The following LY96 variants were observed in gnomAD, a reference collection of about 807,000 sequenced individuals.
The protein encoded by LY96 is myeloid differentiation protein-2.
LY96 carries 18 observed loss-of-function variants against 18.9 expected under a neutral mutation model. The ratio of observed to expected loss-of-function variants is 0.95; its 90% CI spans 0.66 to 1.41. The LOEUF is 1.41. Ranked by LOEUF, LY96 falls within the 40% of genes most tolerant of loss-of-function variation. LY96 has a pLI of 0.00. For synonymous variants in LY96, 66 were observed against 62.6 expected (o/e 1.06, Z -0.26); for missense variants, 175 against 182.4 (o/e 0.96, Z 0.23).
intron 1 of LY96, among the ~76,000 whole-genome samples, chr8:73,997,150 T>A (rs1188819453): frequency 6.6e-6 from 1 of 152,236 alleles, no homozygotes; most frequent in Non-Finnish European, 1.5e-5. Flanking sequence ...AGCCACCGTG[T>A]CCGGCCTTAA....
the LY96 span, among the ~76,000 whole-genome samples, chr8:74,081,141 C>T: frequency 2.1e-5 from 3 of 142,630 alleles, no homozygotes; most frequent in South Asian, 4.5e-4. Context: ...TTCCTTCCTT[C>T]CTTCTTTCTT....
At chr8:74,007,619 A>G (rs2131265763) in intron 2 of LY96, among the ~76,000 whole-genome samples, 1 of 152,318 alleles carries the variant, frequency 6.6e-6, no homozygotes, top group East Asian at 1.9e-4. Context: ...TAGCCTTGCT[A>G]GTAAATTATT....
the LY96 span, among the ~76,000 whole-genome samples, chr8:74,045,438 C>T: frequency 6.6e-6 from 1 of 152,284 alleles, no homozygotes; most frequent in African/African-American, 2.4e-5. Context: ...GGTTCTAGGT[C>T]TACTGTTTAA....
At chr8:74,070,371 G>A in the LY96 span, among the ~76,000 whole-genome samples, 1 of 151,866 alleles carries the variant, frequency 6.6e-6, no homozygotes, top group Non-Finnish European at 1.5e-5. Context: ...GATTACAGGC[G>A]TGAGCCACCG....
chr8:74,039,604 GTGAT>G, the LY96 span, among the ~76,000 whole-genome samples: 2 of 152,154 alleles, frequency 1.3e-5, no homozygotes, highest in Non-Finnish European at 2.9e-5. Flanking sequence ...GATCTTCTAA[GTGAT>G]TGATAAGGTG....
chr8:74,019,632 G>T (rs1816718288), intron 3 of LY96, among the ~76,000 whole-genome samples: 1 of 152,144 alleles, frequency 6.6e-6, no homozygotes, highest in Admixed American at 6.5e-5. Flanking sequence ...GAGAATTTTA[G>T]ACCAATATTC....
At chr8:74,021,385 T>C (rs564437803) in intron 3 of LY96, among the ~76,000 whole-genome samples, 1 of 152,272 alleles carries the variant, frequency 6.6e-6, no homozygotes, top group Admixed American at 6.5e-5. Flanking sequence ...CATCTCACAC[T>C]GGTTAGAAAG....
At chr8:74,092,841 G>A in the LY96 span, among the ~76,000 whole-genome samples, 2 of 152,108 alleles carry the variant, frequency 1.3e-5, no homozygotes, top group East Asian at 1.9e-4. Flanking sequence ...AGTTCTTGCC[G>A]CCTCCTCTCT....
chr8:74,060,461 T>G, the LY96 span, among the ~76,000 whole-genome samples: 3 of 152,252 alleles, frequency 2.0e-5, no homozygotes, highest in Admixed American at 6.5e-5. Flanking sequence ...CACTCTTAAA[T>G]CATTTTTCCT....
chr8:74,048,570 G>A, the LY96 span: 1 of 152,326 alleles, frequency 6.6e-6, no homozygotes, highest in Non-Finnish European at 1.5e-5. Context: ...CCAGCCAGTG[G>A]AAGGAAGGAA....
At chr8:74,073,726 C>T in the LY96 span, among the ~76,000 whole-genome samples, 2 of 152,018 alleles carry the variant, frequency 1.3e-5, no homozygotes, top group Admixed American at 1.3e-4. Flanking sequence ...TACGGTGGCG[C>T]AATCTCAGCT....
chr8:74,063,405 A>G, the LY96 span, among the ~76,000 whole-genome samples: 1 of 152,210 alleles, frequency 6.6e-6, no homozygotes, highest in East Asian at 1.9e-4. Context: ...GAATTTGTTG[A>G]CATTTTAAAA....
the LY96 span, among the ~76,000 whole-genome samples, chr8:74,035,497 C>A: frequency 1.3e-5 from 2 of 152,110 alleles, no homozygotes; most frequent in Non-Finnish European, 2.9e-5. Context: ...TTCTAAAGCC[C>A]CCCTCCAACC....
At chr8:74,053,211 C>A in the LY96 span, among the ~76,000 whole-genome samples, 3 of 152,208 alleles carry the variant, frequency 2.0e-5, no homozygotes. Context: ...CATGACTTCG[C>A]CATGTGGATT....
At chr8:74,074,058 C>T in the LY96 span, among the ~76,000 whole-genome samples, 6 of 152,034 alleles carry the variant, frequency 3.9e-5, no homozygotes, top group East Asian at 1.9e-4. Context: ...AGTGCAGTGG[C>T]GCAATCTCAG....
At chr8:74,061,896 A>G in the LY96 span, among the ~76,000 whole-genome samples, 10 of 152,130 alleles carry the variant, frequency 6.6e-5, no homozygotes, top group Non-Finnish European at 1.2e-4. Context: ...GAGGGAGAGG[A>G]TTTTCCTATA....
At chr8:74,084,905 G>A in the LY96 span, among the ~76,000 whole-genome samples, 4 of 152,292 alleles carry the variant, frequency 2.6e-5, no homozygotes, top group African/African-American at 4.8e-5. Flanking sequence ...GTGAGCCACC[G>A]CACCCAGCCC....
At chr8:74,040,550 A>G in the LY96 span, among the ~76,000 whole-genome samples, 3 of 152,186 alleles carry the variant, frequency 2.0e-5, no homozygotes, top group Non-Finnish European at 2.9e-5. Flanking sequence ...TTTTCTGCTT[A>G]TGGATATCCA....
At chr8:74,027,401 GT>G (rs1278680241) in intron 4 of LY96, among the ~76,000 whole-genome samples, 1 of 151,130 alleles carries the variant, frequency 6.6e-6, no homozygotes, top group Non-Finnish European at 1.5e-5. Context: ...CGCCTCCCAG[GT>G]TCAGGTGATT....
Sources: gnomAD v4.1 joint callset for allele counts (sites outside exome capture counted in the v4.1 genomes callset) on GRCh38, gnomAD v4.1.1 for gene constraint, MANE v1.5 for transcripts, NCBI Gene and HGNC (gene_info 2026-07-23, HGNC 2026-07-21) for gene names.